Variants in ASB3 observed in about 807,000 individuals in gnomAD.
ASB3 encodes the protein ankyrin repeat and SOCS box protein 3.
In ASB3, 41 loss-of-function variants were observed where a neutral mutation model predicts 54.5. The ratio of observed to expected loss-of-function variants is 0.75; its 90% confidence interval spans 0.59 to 0.98. The LOEUF is 0.98. ASB3 is among the 50% of genes least tolerant of loss of function. The pLI is 0.00. For missense variants in ASB3, 733 were observed against 620.0 expected (o/e 1.18, Z -1.94); for synonymous variants, 266 against 221.2 (o/e 1.20, Z -1.80).
intron 3 of ASB3, among the ~76,000 whole-genome samples, chr2:53,736,307 A>G (rs1409607258): frequency 6.6e-6 from 1 of 152,156 alleles, no homozygotes; most frequent in Non-Finnish European, 1.5e-5. Flanking sequence ...AACACCACCC[A>G]CCAGAATATT....
At chr2:53,783,267 A>G (rs916105177) in intron 1 of ASB3, among the ~76,000 whole-genome samples, 1 of 152,074 alleles carries the variant, frequency 6.6e-6, no homozygotes, top group Non-Finnish European at 1.5e-5. Flanking sequence ...AACTGTGGGG[A>G]AAAAACCACT....
At chr2:53,724,932 T>G (rs942730238) in intron 5 of ASB3, among the ~76,000 whole-genome samples, 3 of 152,182 alleles carry the variant, frequency 2.0e-5, no homozygotes, top group Non-Finnish European at 4.4e-5. Context: ...TCACTGGGTA[T>G]ATATCCAAAA....
At chr2:53,767,972 G>T in intron 1 of ASB3, 1 of 1,614,130 alleles carries the variant, frequency 6.2e-7, no homozygotes, top group Non-Finnish European at 8.5e-7. Flanking sequence ...ACCAACTACA[G>T]CAGGCGCTTC....
intron 1 of ASB3, chr2:53,771,883 T>C: frequency 7.0e-7 from 1 of 1,421,920 alleles, no homozygotes; most frequent in Admixed American, 2.0e-5. Flanking sequence ...TTCAGAAAAA[T>C]TTTTTTTTAC....
At chr2:53,709,496 G>A (rs1430228869) in intron 7 of ASB3, among the ~76,000 whole-genome samples, 14 of 152,184 alleles carry the variant, frequency 9.2e-5, no homozygotes, top group African/African-American at 3.4e-4. Flanking sequence ...AGAGAGCCTG[G>A]AACACTGAAA....
At chr2:53,674,556 T>C (rs942120982) in intron 9 of ASB3, among the ~76,000 whole-genome samples, 3 of 152,130 alleles carry the variant, frequency 2.0e-5, no homozygotes, top group African/African-American at 7.2e-5. Context: ...AGCACAAAAC[T>C]ATATCTATAT....
At chr2:53,682,089 G>T (rs1423624600) in intron 9 of ASB3, among the ~76,000 whole-genome samples, 1 of 151,584 alleles carries the variant, frequency 6.6e-6, no homozygotes, top group Admixed American at 6.6e-5. Context: ...GAATCCGGGA[G>T]GCAGAGGTTG....
chr2:53,710,992 T>C (rs1670062999), intron 7 of ASB3, among the ~76,000 whole-genome samples: 1 of 151,018 alleles, frequency 6.6e-6, no homozygotes, highest in Non-Finnish European at 1.5e-5. Context: ...ATTCCAGGCA[T>C]GGTGGCGCAC....
At chr2:53,719,319 G>A (rs1360521317) in intron 5 of ASB3, among the ~76,000 whole-genome samples, 1 of 152,194 alleles carries the variant, frequency 6.6e-6, no homozygotes, top group Non-Finnish European at 1.5e-5. Context: ...GCTTTGAGAG[G>A]CCGAAGTATG....
At chr2:53,687,677 T>C (rs1018258343) in intron 9 of ASB3, among the ~76,000 whole-genome samples, 3 of 152,246 alleles carry the variant, frequency 2.0e-5, no homozygotes, top group African/African-American at 4.8e-5. Context: ...ACTTAGTTTA[T>C]TGAACATGTC....
chr2:53,684,816 A>C (rs1668550657), intron 9 of ASB3, among the ~76,000 whole-genome samples: 1 of 152,242 alleles, frequency 6.6e-6, no homozygotes, highest in African/African-American at 2.4e-5. Flanking sequence ...GAGACCCTTA[A>C]TGTAGCCAAT....
chr2:53,777,291 T>C (rs992582256), intron 1 of ASB3, among the ~76,000 whole-genome samples: 1 of 152,194 alleles, frequency 6.6e-6, no homozygotes, highest in Non-Finnish European at 1.5e-5. Flanking sequence ...CCAATCATTA[T>C]AGTATCAAGT....
intron 7 of ASB3, among the ~76,000 whole-genome samples, chr2:53,709,003 G>A (rs554849746): frequency 4.6e-5 from 7 of 152,348 alleles, no homozygotes; most frequent in African/African-American, 1.4e-4. Context: ...TTTCAGGGAA[G>A]GAATTCAAGC....
intron 9 of ASB3, among the ~76,000 whole-genome samples, chr2:53,691,943 C>A (rs960142446): frequency 2.6e-5 from 4 of 152,298 alleles, no homozygotes; most frequent in East Asian, 1.9e-4. Flanking sequence ...AGCCTTTCCA[C>A]GATAGGACAA....
At chr2:53,700,851 A>G (rs1280692510) in intron 7 of ASB3, among the ~76,000 whole-genome samples, 1 of 152,250 alleles carries the variant, frequency 6.6e-6, no homozygotes, top group Non-Finnish European at 1.5e-5. Flanking sequence ...TATCTTTACT[A>G]CAAAATACTT....
chr2:53,692,919 T>A (rs901684748), intron 9 of ASB3, among the ~76,000 whole-genome samples: 2 of 152,150 alleles, frequency 1.3e-5, no homozygotes, highest in Admixed American at 6.6e-5. Flanking sequence ...AAATCAATTC[T>A]TTTTCTTTAA....
At chr2:53,678,287 T>C (rs1001364922) in intron 9 of ASB3, among the ~76,000 whole-genome samples, 1 of 152,140 alleles carries the variant, frequency 6.6e-6, no homozygotes, top group South Asian at 2.1e-4. Context: ...CCCTTTGACC[T>C]ACATCTTTTC....
chr2:53,759,276 G>A (rs1008676854), intron 2 of ASB3, among the ~76,000 whole-genome samples: 1 of 152,170 alleles, frequency 6.6e-6, no homozygotes, highest in African/African-American at 2.4e-5. Context: ...AGGAAAACTA[G>A]GAGGAAGACT....
chr2:53,744,384 C>CAAAAAAAAAAAAAAAAAAA (rs779225958), intron 3 of ASB3, among the ~76,000 whole-genome samples: 10 of 139,948 alleles, frequency 7.1e-5, no homozygotes, highest in African/African-American at 2.5e-4. Context: ...GACTCTGTCT[C>CAAAAAAAAAAAAAAAAAAA]AAAAAAATAA....
Sources: allele counts gnomAD v4.1 joint callset (sites outside exome capture counted in the v4.1 genomes callset), GRCh38; gene constraint gnomAD v4.1.1; transcripts MANE v1.5; gene names NCBI Gene and HGNC (gene_info 2026-07-23, HGNC 2026-07-21).